The following NELL1 variants were observed in gnomAD, a reference collection of about 807,000 sequenced individuals.
NELL1 encodes the protein neural EGFL like 1.
NELL1 carries 76 observed loss-of-function variants against 107.4 expected under a neutral mutation model. The observed-to-expected ratio is 0.71, with a 90% CI of 0.59 to 0.86. NELL1 has a LOEUF of 0.86. Among genes scored for constraint, NELL1 ranks in the 40% least tolerant of loss-of-function variants. The pLI is 0.00. For missense variants in NELL1, 1,024 were observed against 1,005.5 expected (o/e 1.02, Z -0.25); for synonymous variants, 353 against 341.2 (o/e 1.03, Z -0.38).
intron 12 of NELL1, among the ~76,000 whole-genome samples, chr11:20,961,851 A>G (rs980995831): frequency 6.6e-6 from 1 of 152,114 alleles, no homozygotes; most frequent in African/African-American, 2.4e-5. Flanking sequence ...ATACCCAGGA[A>G]TGACTATATA....
At chr11:21,212,551 T>C (rs1452162657) in intron 13 of NELL1, among the ~76,000 whole-genome samples, 6 of 152,138 alleles carry the variant, frequency 3.9e-5, no homozygotes, top group Non-Finnish European at 4.4e-5. Context: ...CTGAGATTCC[T>C]CTACTGAAGT....
chr11:21,274,452 A>G (rs1848809712), intron 14 of NELL1, among the ~76,000 whole-genome samples: 2 of 152,218 alleles, frequency 1.3e-5, no homozygotes, highest in African/African-American at 4.8e-5. Flanking sequence ...TAACAATGGG[A>G]GACTTTAACA....
Position 20,947,552 on chromosome 11 carries a change from C to A in NELL1, c.1171+117C>A, listed in dbSNP as rs572016318. On this transcript the variant is annotated intron_variant, in intron 11 of 19. Transcript: ENST00000357134. ...TGGGTCCAAAACTCTGTGCGCTGCTCCTTAAAAAGTTGCATATCCTATTTA... is the reference window on the plus strand; with the variant it reads ...TGGGTCCAAAACTCTGTGCGCTGCTACTTAAAAAGTTGCATATCCTATTTA... 448 of 727,184 alleles carry A rather than the reference C, an allele frequency of 6.2e-4. 2 individuals are homozygous for A. The Middle Eastern group carries it at 9.7e-3, about 16-fold the overall frequency. 45.0% of individuals were successfully genotyped at this position (727,184 alleles called of 1,614,324 possible). A position where few individuals can be genotyped will look rare whatever the true frequency, so the allele number is the denominator to read the frequency against.
chr11:21,097,079 C>G (rs1854660902), intron 12 of NELL1, among the ~76,000 whole-genome samples: 1 of 152,106 alleles, frequency 6.6e-6, no homozygotes, highest in African/African-American at 2.4e-5. Flanking sequence ...TAAATTCAGA[C>G]TAACCTCCAG....
At chr11:21,054,317 A>G (rs1206685512) in intron 12 of NELL1, among the ~76,000 whole-genome samples, 2 of 152,124 alleles carry the variant, frequency 1.3e-5, no homozygotes, top group Admixed American at 6.6e-5. Flanking sequence ...TATTGAAACC[A>G]TAATTTTTAA....
chr11:20,905,714 T>G (rs1849981976), intron 5 of NELL1, among the ~76,000 whole-genome samples: 1 of 151,946 alleles, frequency 6.6e-6, no homozygotes, highest in South Asian at 2.1e-4. Context: ...AAAGATAAGA[T>G]CATTGAAATT....
chr11:21,070,048 A>G (rs567045341), intron 12 of NELL1, among the ~76,000 whole-genome samples: 4 of 152,292 alleles, frequency 2.6e-5, no homozygotes, highest in Admixed American at 6.5e-5. Flanking sequence ...TGGAGGGACA[A>G]AATAGTTTCC....
At chr11:21,166,018 G>A (rs1856473555) in intron 13 of NELL1, among the ~76,000 whole-genome samples, 1 of 151,622 alleles carries the variant, frequency 6.6e-6, no homozygotes, top group African/African-American at 2.4e-5. Context: ...ACCTCCCAAA[G>A]TGCTGGGATT....
At chr11:20,965,109 A>G (rs2134220948) in intron 12 of NELL1, among the ~76,000 whole-genome samples, 1 of 152,298 alleles carries the variant, frequency 6.6e-6, no homozygotes, top group South Asian at 2.1e-4. Context: ...GCAGTTTTTA[A>G]TAGAGCAAGC....
Position 21,336,403 on chromosome 11 carries a change from A to T in NELL1, c.1550-34450A>T, listed in dbSNP as rs941272145. 4.5e-4 allele frequency among the ~76,000 whole-genome samples: 68 copies of T among 152,032 alleles called. 1 individual carries two copies. The highest frequency in any genetic ancestry group is 2.0e-4 in the Admixed American group (3 of 15,252). ...TTTGTGGCTTGCCCAAGACAAAGTC[A>T]ACAAGTGGGCAAGTTAGGTTTTATA... is the stretch of plus-strand genomic sequence containing the variant. On this transcript the variant is annotated intron_variant, in intron 14 of 19. Transcript: ENST00000357134.
At chr11:20,710,891 T>C (rs1855096034) in intron 2 of NELL1, among the ~76,000 whole-genome samples, 1 of 152,112 alleles carries the variant, frequency 6.6e-6, no homozygotes, top group African/African-American at 2.4e-5. Flanking sequence ...TCATTTCTAA[T>C]TGAGCTTATT....
At chr11:21,161,890 T>C (rs908255055) in intron 13 of NELL1, among the ~76,000 whole-genome samples, 1 of 151,280 alleles carries the variant, frequency 6.6e-6, no homozygotes, top group Admixed American at 6.6e-5. Flanking sequence ...ATGGCTGCCA[T>C]ATTGGATAGT....
At chr11:20,950,160 A>G (rs1851042437) in intron 11 of NELL1, among the ~76,000 whole-genome samples, 1 of 152,190 alleles carries the variant, frequency 6.6e-6, no homozygotes, top group Non-Finnish European at 1.5e-5. Flanking sequence ...GGCCCTTTTC[A>G]GAAACATCTA....
intron 2 of NELL1, among the ~76,000 whole-genome samples, chr11:20,750,630 C>T (rs1271184114): frequency 6.6e-6 from 1 of 151,884 alleles, no homozygotes; most frequent in Non-Finnish European, 1.5e-5. Flanking sequence ...TCACGTCACT[C>T]AGGCTGGCTG....
At position 20,908,341 on chromosome 11, in the gene NELL1, G is replaced by A. The variant is rs139013375; in HGVS notation, c.604-9841G>A. On this transcript the variant is annotated intron_variant, in intron 5 of 19. Transcript: ENST00000357134. The stretch of plus-strand genomic sequence containing the variant: ...TGATAGACTATTTGATAAAGAAAAT[G>A]TGGTACATATACACCAGGGAGTACT... Among the ~76,000 whole-genome samples the A allele has an allele frequency of 4.4e-3, 676 of 152,278 alleles. 8 individuals carry two copies. The highest frequency in any genetic ancestry group is 0.032 in the Admixed American group (488 of 15,276).
intron 15 of NELL1, chr11:21,384,057 A>G (rs911881499): frequency 5.3e-5 from 8 of 151,928 alleles, no homozygotes; most frequent in Admixed American, 2.0e-4. Flanking sequence ...TTTAAAATAT[A>G]TCTTAAATCC....
At chr11:21,288,097 AAGGAAAG>A (rs1432422452) in intron 14 of NELL1, among the ~76,000 whole-genome samples, 2 of 151,542 alleles carry the variant, frequency 1.3e-5, no homozygotes, top group African/African-American at 4.9e-5. Context: ...AAAAAGAGGG[AAGGAAAG>A]AGGAAGGAAG....
At position 21,551,263 on chromosome 11, in the gene NELL1, C is replaced by T. The variant is rs558384999; in HGVS notation, c.1787-8926C>T. 3.3e-5 allele frequency among the ~76,000 whole-genome samples: 5 copies of T among 151,982 alleles called. No individual in the cohort carries two copies. In the East Asian group the frequency reaches 9.7e-4, roughly 30 times the overall value. On this transcript the variant is annotated intron_variant, in intron 16 of 19. Transcript: ENST00000357134. The stretch of plus-strand genomic sequence containing the variant: ...TGGACTGAGACCATAGGGTTTTCTA[C>T]ATATACAATCATGTCATCTGCAAAC...
chr11:20,712,165 T>C (rs1855129926), intron 2 of NELL1, among the ~76,000 whole-genome samples: 3 of 152,260 alleles, frequency 2.0e-5, no homozygotes, highest in Admixed American at 6.5e-5. Context: ...ATTTTTTCTT[T>C]GTTTTTATCT....
Sources: allele counts gnomAD v4.1 joint callset (sites outside exome capture counted in the v4.1 genomes callset), GRCh38; gene constraint gnomAD v4.1.1; transcripts MANE v1.5; gene names NCBI Gene and HGNC (gene_info 2026-07-23, HGNC 2026-07-21).